Variants in CCDC3 observed in about 807,000 individuals in gnomAD.
CCDC3 encodes coiled-coil domain-containing protein 3.
CCDC3 carries 24 observed loss-of-function variants against 21.4 expected under a neutral mutation model. That is an observed-to-expected ratio of 1.12 (90% CI 0.81 to 1.58). The LOEUF is 1.58. Ranked by LOEUF, CCDC3 falls within the 40% of genes most tolerant of loss-of-function variation. CCDC3 has a pLI of 0.00. For missense variants in CCDC3, 425 were observed against 360.9 expected (o/e 1.18, Z -1.44); for synonymous variants, 186 against 166.0 (o/e 1.12, Z -0.93).
At chr10:12,906,656 T>G (rs1321981246) in intron 2 of CCDC3, among the ~76,000 whole-genome samples, 3 of 152,178 alleles carry the variant, frequency 2.0e-5, no homozygotes, top group Non-Finnish European at 4.4e-5. Context: ...CATCGGACAG[T>G]GGGGTCTTGC....
intron 4 of CCDC3, among the ~76,000 whole-genome samples, chr10:13,068,230 C>T (rs1379211322): frequency 6.6e-6 from 1 of 152,060 alleles, no homozygotes; most frequent in Non-Finnish European, 1.5e-5. Flanking sequence ...TTTTCTGGCC[C>T]TGTCTCTTAA....
intron 2 of CCDC3, among the ~76,000 whole-genome samples, chr10:12,989,702 G>A (rs186420491): frequency 3.9e-5 from 6 of 152,214 alleles, no homozygotes; most frequent in East Asian, 1.9e-4. Context: ...GATTACAGGC[G>A]TGAGCCACTG....
intron 3 of CCDC3, among the ~76,000 whole-genome samples, chr10:13,074,385 C>T (rs1216931274): frequency 8.5e-6 from 1 of 118,088 alleles, no homozygotes; most frequent in Admixed American, 1.1e-4. Context: ...GGGGTTTTTC[C>T]ATATTGGTCA....
intron 1 of CCDC3, chr10:13,099,348 T>G (rs1427356645): frequency 2.0e-5 from 3 of 151,888 alleles, no homozygotes; most frequent in Admixed American, 2.0e-4. Context: ...GTTTTGTTTT[T>G]TTTCTCTCCC....
intron 3 of CCDC3, among the ~76,000 whole-genome samples, chr10:13,085,186 A>C (rs1837087950): frequency 6.6e-6 from 1 of 152,168 alleles, no homozygotes; most frequent in Admixed American, 6.5e-5. Flanking sequence ...GAGTCTGCCT[A>C]GCAAGCCTGG....
intron 2 of CCDC3, among the ~76,000 whole-genome samples, chr10:12,985,986 C>T (rs994313459): frequency 2.0e-5 from 3 of 152,232 alleles, no homozygotes; most frequent in Admixed American, 6.5e-5. Flanking sequence ...CGCCATTCTC[C>T]TGCCTCAGTC....
intron 3 of CCDC3, among the ~76,000 whole-genome samples, chr10:13,095,555 A>G (rs765662245): frequency 5.9e-4 from 90 of 152,162 alleles, no homozygotes; most frequent in African/African-American, 9.2e-4. Flanking sequence ...TCACGCTCCT[A>G]TGAAAATCTA....
At chr10:12,947,933 A>G (rs1834942181) in intron 2 of CCDC3, among the ~76,000 whole-genome samples, 1 of 152,200 alleles carries the variant, frequency 6.6e-6, no homozygotes, top group Non-Finnish European at 1.5e-5. Context: ...AGACAGACCC[A>G]AGATGTCTCA....
chr10:13,009,965 T>C (rs1835965371), intron 5 of CCDC3, among the ~76,000 whole-genome samples: 1 of 152,158 alleles, frequency 6.6e-6, no homozygotes, highest in African/African-American at 2.4e-5. Flanking sequence ...CTGAATGATA[T>C]AGCTGGGTGC....
chr10:13,093,379 T>C (rs1832599256), intron 3 of CCDC3, among the ~76,000 whole-genome samples: 2 of 152,036 alleles, frequency 1.3e-5, no homozygotes, highest in East Asian at 3.8e-4. Context: ...ATGATTCAAT[T>C]ATCTCCCACC....
chr10:13,078,593 A>G lies in CCDC3; in HGVS notation c.-502-4493T>C, dbSNP rs902702691. On this transcript the variant is annotated intron_variant, in intron 3 of 6. Transcript: ENST00000378839. Reference sequence around the variant, plus strand: ...TATTGCGGCACTATTCACAATAACAAAGACTTGGAACCAACCCAAATGTCC... The same window carrying G: ...TATTGCGGCACTATTCACAATAACAGAGACTTGGAACCAACCCAAATGTCC... Among the ~76,000 whole-genome samples, 14 of 152,236 alleles carry G rather than the reference A, an allele frequency of 9.2e-5. No individual in the cohort carries two copies. The East Asian group carries it at 1.2e-3, about 13-fold the overall frequency.
intron 4 of CCDC3, among the ~76,000 whole-genome samples, chr10:13,053,773 A>G (rs1247915026): frequency 6.6e-6 from 1 of 152,134 alleles, no homozygotes; most frequent in African/African-American, 2.4e-5. Context: ...TGATCCTGAT[A>G]AGCCATGTGG....
chr10:12,920,131 C>G (rs1834425105), intron 2 of CCDC3, among the ~76,000 whole-genome samples: 1 of 152,124 alleles, frequency 6.6e-6, no homozygotes, highest in Admixed American at 6.5e-5. Flanking sequence ...TTAATGGACT[C>G]TCAGTTCCAT....
chr10:13,079,583 G>C (rs148241323), intron 3 of CCDC3, among the ~76,000 whole-genome samples: 1 of 152,126 alleles, frequency 6.6e-6, no homozygotes, highest in African/African-American at 2.4e-5. Context: ...AAGCCACGGG[G>C]TTGGGGGGAG....
At chr10:13,082,601 C>T (rs2099717) in intron 3 of CCDC3, among the ~76,000 whole-genome samples, 48,313 of 151,994 alleles carry the variant, frequency 0.32, 7,773 homozygotes, top group African/African-American at 0.37. Flanking sequence ...CTCCCTTTCC[C>T]GGTTTGCTAA....
chr10:13,001,980 T>G (rs1255855967), upstream of CCDC3, among the ~76,000 whole-genome samples: 1 of 152,224 alleles, frequency 6.6e-6, no homozygotes, highest in African/African-American at 2.4e-5. Context: ...AAAGCCTGTT[T>G]GCAAACGCAA....
chr10:13,077,869 T>C (rs1405442536), intron 3 of CCDC3, among the ~76,000 whole-genome samples: 1 of 152,154 alleles, frequency 6.6e-6, no homozygotes, highest in Admixed American at 6.5e-5. Flanking sequence ...CAAAATGGAT[T>C]AAATACTTAA....
Position 13,001,382 on chromosome 10 carries a change from G to T in CCDC3, c.189C>A (p.Pro63=). 1 of 1,588,790 alleles carries T rather than the reference G, an allele frequency of 6.3e-7. No homozygotes were observed. The highest frequency in any genetic ancestry group is 1.2e-5 in the South Asian group (1 of 86,838). ...CCCCCTGGCCGGCGTGGTACTGCCA[G>T]GGCAGGTGGTTGTAGAGGCCGGGCG... ...PEAPGLYNHL[P]WQYHAGQGGL... is the part of the protein sequence containing the mutation. Residue 63 remains proline, a synonymous_variant, in exon 1 of 3, where the codon CCC becomes CCA. Coordinates refer to ENST00000378825, the MANE Select transcript of CCDC3 (RefSeq NM_031455.4).
chr10:12,966,115 G>A (rs540240830), intron 2 of CCDC3, among the ~76,000 whole-genome samples: 2 of 151,938 alleles, frequency 1.3e-5, no homozygotes, highest in South Asian at 2.1e-4. Context: ...TGGCAGTAGC[G>A]TAAATAGGCT....
Sources: gnomAD v4.1 joint callset for allele counts (sites outside exome capture counted in the v4.1 genomes callset) on GRCh38, gnomAD v4.1.1 for gene constraint, MANE v1.5 for transcripts, NCBI Gene and HGNC (gene_info 2026-07-23, HGNC 2026-07-21) for gene names.